DGKB: variants seen among roughly 807,000 people sequenced by gnomAD.
DGKB encodes diacylglycerol kinase beta.
DGKB carries 67 observed loss-of-function variants against 114.3 expected under a neutral mutation model. That is an observed-to-expected ratio of 0.59 (90% CI 0.48 to 0.72). The LOEUF (loss-of-function observed/expected upper bound fraction) is 0.72, where lower values mean the gene tolerates loss of function less well. DGKB is among the 30% of genes least tolerant of loss of function. The probability of loss-of-function intolerance (pLI) is 0.00; values close to 1 mark genes in which losing one functional copy is unlikely to be tolerated. For missense variants in DGKB, 907 were observed against 975.2 expected (o/e 0.93, Z 0.93); for synonymous variants, 398 against 323.1 (o/e 1.23, Z -2.49).
At chr7:14,965,787 G>A (rs769391087) in intron 1 of DGKB, among the ~76,000 whole-genome samples, 10 of 151,996 alleles carry the variant, frequency 6.6e-5, no homozygotes, top group Non-Finnish European at 1.5e-4. Flanking sequence ...AAAATGACAT[G>A]TTTGGCCCCT....
intron 20 of DGKB, among the ~76,000 whole-genome samples, chr7:14,566,565 A>T (rs1341254256): frequency 1.3e-5 from 2 of 152,188 alleles, no homozygotes; most frequent in South Asian, 2.1e-4. Flanking sequence ...CTGCAAATGG[A>T]TCGGGTTACC....
intron 3 of DGKB, among the ~76,000 whole-genome samples, chr7:14,754,927 G>T (rs942802473): frequency 1.8e-4 from 27 of 152,154 alleles, no homozygotes; most frequent in African/African-American, 6.5e-4. Context: ...CTTGGTCAAT[G>T]AAGTGAAGAG....
chr7:14,614,123 G>A (rs893049906), intron 15 of DGKB, among the ~76,000 whole-genome samples: 1 of 152,124 alleles, frequency 6.6e-6, no homozygotes, highest in Admixed American at 6.6e-5. Flanking sequence ...GAACAAGAAA[G>A]ACAAAGTTTC....
intron 3 of DGKB, 85 bp from the exon 4 acceptor site, chr7:14,754,033 A>G: frequency 3.0e-6 from 3 of 996,120 alleles, no homozygotes; most frequent in South Asian, 1.5e-5. Context: ...TATTTAGCTA[A>G]AAGTTCAAGT....
intron 13 of DGKB, among the ~76,000 whole-genome samples, chr7:14,659,366 A>C (rs1232035277): frequency 6.6e-6 from 1 of 152,058 alleles, no homozygotes; most frequent in East Asian, 1.9e-4. Context: ...ACCCATGAGC[A>C]TGGAATGTTC....
rs575013374 is a variant in DGKB at position 14,496,916 on chromosome 7, C to T, written c.1771-18691G>A. ...TTCTAAAAATTATGTGAGGGTGCTT[C>T]AAGGTCTATATTGAAGGAGGTGGGG... On this transcript the variant is annotated intron_variant, in intron 20 of 25. Transcript: ENST00000402815. Among the ~76,000 whole-genome samples, 6 of 151,828 alleles carry T rather than the reference C, an allele frequency of 4.0e-5. No individual in the cohort carries two copies. In the East Asian group the frequency reaches 1.2e-3, roughly 29 times the overall value.
intron 2 of DGKB, among the ~76,000 whole-genome samples, chr7:14,759,635 T>C (rs780769245): frequency 6.6e-6 from 1 of 152,208 alleles, no homozygotes; most frequent in Non-Finnish European, 1.5e-5. Context: ...ATGAATATAC[T>C]CCATTTAATA....
chr7:14,486,602 T>C (rs12669548), intron 20 of DGKB, among the ~76,000 whole-genome samples: 85,450 of 151,928 alleles, frequency 0.56, 24,932 homozygotes, highest in East Asian at 0.86. Flanking sequence ...CCAACTCCAC[T>C]AGAAGAAAGA....
At chr7:14,159,691 T>C (rs535193237) in intron 25 of DGKB, among the ~76,000 whole-genome samples, 11 of 152,294 alleles carry the variant, frequency 7.2e-5, no homozygotes, top group Non-Finnish European at 5.9e-5. Context: ...TTTTTTGAGA[T>C]GGAGTCTTGC....
chr7:14,691,760 G>A (rs1822908402), intron 9 of DGKB, among the ~76,000 whole-genome samples: 1 of 151,444 alleles, frequency 6.6e-6, no homozygotes, highest in African/African-American at 2.4e-5. Context: ...GTGGGGGGCG[G>A]AATTTAGTCT....
intron 1 of DGKB, among the ~76,000 whole-genome samples, chr7:14,852,487 C>CAAAAAAAAAAAAAAAAACAAAAAA: frequency 1.6e-5 from 1 of 63,634 alleles, no homozygotes; most frequent in African/African-American, 6.7e-5. Flanking sequence ...TAGTGAAAGT[C>CAAAAAAAAAAAAAAAAACAAAAAA]AAAAAAAAAA....
intron 4 of DGKB, among the ~76,000 whole-genome samples, chr7:14,739,057 C>A (rs1270471295): frequency 1.3e-5 from 2 of 152,200 alleles, no homozygotes; most frequent in African/African-American, 2.4e-5. Context: ...CTTTACAGAG[C>A]CTTTCAGAAC....
Position 14,937,047 on chromosome 7 carries a change from CACACACACACACACACACACACACACAT to C in DGKB, c.-188+37621_-188+37648del, listed in dbSNP as rs1015312761. ...CACTACACACACACACACACACACA[CACACACACACACACACACACACACACAT>C]CTTTTGTTAAATTTATAATTTTGCT... On this transcript the variant is annotated intron_variant, in intron 1 of 4. Coordinates refer to the DGKB transcript ENST00000437998. Among the ~76,000 whole-genome samples the C allele has an allele frequency of 1.7e-4, 25 of 147,770 alleles. No homozygotes were observed. The South Asian group carries it at 5.1e-3, about 30-fold the overall frequency.
chr7:14,887,295 T>C (rs544520285), intron 1 of DGKB, among the ~76,000 whole-genome samples: 7 of 151,936 alleles, frequency 4.6e-5, no homozygotes, highest in Non-Finnish European at 4.4e-5. Context: ...TCAGCAACAA[T>C]TGACACAGCT....
At chr7:14,908,943 T>C (rs1265388187) in intron 1 of DGKB, among the ~76,000 whole-genome samples, 2 of 152,196 alleles carry the variant, frequency 1.3e-5, no homozygotes, top group African/African-American at 4.8e-5. Context: ...ATCTGTGTGG[T>C]ATTTGTCCTT....
intron 21 of DGKB, among the ~76,000 whole-genome samples, chr7:14,348,164 C>T (rs1039339514): frequency 5.3e-5 from 8 of 150,622 alleles, no homozygotes; most frequent in South Asian, 2.1e-4. Flanking sequence ...TCTACCTGCC[C>T]CCACTCCCTC....
At chr7:14,429,044 C>T (rs1285405332) in intron 21 of DGKB, among the ~76,000 whole-genome samples, 1 of 151,894 alleles carries the variant, frequency 6.6e-6, no homozygotes, top group Non-Finnish European at 1.5e-5. Flanking sequence ...ACTCTGTAGC[C>T]AAAGGCCCTC....
At chr7:14,154,370 A>T (rs1268009262) in intron 25 of DGKB, among the ~76,000 whole-genome samples, 1 of 151,946 alleles carries the variant, frequency 6.6e-6, no homozygotes, top group Non-Finnish European at 1.5e-5. Flanking sequence ...ATTATTATAT[A>T]CTTCTCAGAA....
At chr7:14,150,569 C>T (rs1448044023) in intron 25 of DGKB, among the ~76,000 whole-genome samples, 5 of 152,040 alleles carry the variant, frequency 3.3e-5, no homozygotes, top group African/African-American at 7.2e-5. Flanking sequence ...TCAGTGTTCT[C>T]TTTCCTGCAA....
Sources: allele counts gnomAD v4.1 joint callset (sites outside exome capture counted in the v4.1 genomes callset), GRCh38; gene constraint gnomAD v4.1.1; transcripts MANE v1.5; gene names NCBI Gene and HGNC (gene_info 2026-07-23, HGNC 2026-07-21).